Variants in FBXL7 observed in about 807,000 individuals in gnomAD.
The protein encoded by FBXL7 is F-box/LRR-repeat protein 7.
In FBXL7, 12 loss-of-function variants were observed where a neutral mutation model predicts 38.3. The ratio of observed to expected loss-of-function variants is 0.31; its 90% CI spans 0.20 to 0.51. FBXL7 has a LOEUF of 0.51. Ranked by LOEUF, FBXL7 falls within the 20% of genes least tolerant of loss-of-function variation. The probability of loss-of-function intolerance (pLI) is 0.98; values close to 1 mark genes in which losing one functional copy is unlikely to be tolerated. For synonymous variants in FBXL7, 297 were observed against 300.9 expected (o/e 0.99, Z 0.13); for missense variants, 567 against 676.4 (o/e 0.84, Z 1.79).
At chr5:15,728,167 A>G (rs553420670) in intron 2 of FBXL7, among the ~76,000 whole-genome samples, 95 of 152,206 alleles carry the variant, frequency 6.2e-4, no homozygotes, top group Middle Eastern at 3.4e-3. Flanking sequence ...GCACTTTAAG[A>G]TAACTGTTTT....
At chr5:15,727,107 C>A (rs1735429338) in intron 2 of FBXL7, among the ~76,000 whole-genome samples, 1 of 152,152 alleles carries the variant, frequency 6.6e-6, no homozygotes, top group Non-Finnish European at 1.5e-5. Flanking sequence ...AAACTCTGCT[C>A]CTTTATAGCT....
At chr5:15,927,779 A>AAAAAC in intron 2 of FBXL7, 111 bp from the exon 3 acceptor site, 1 of 805,006 alleles carries the variant, frequency 1.2e-6, no homozygotes, top group Non-Finnish European at 1.6e-6. Context: ...AAAAAAAAAA[A>AAAAAC]AAAAAAAAGA....
intron 2 of FBXL7, among the ~76,000 whole-genome samples, chr5:15,855,755 T>C (rs1739253317): frequency 6.6e-6 from 1 of 152,248 alleles, no homozygotes; most frequent in South Asian, 2.1e-4. Flanking sequence ...GGCTTTGTGA[T>C]AGTGAATTTA....
intron 2 of FBXL7, among the ~76,000 whole-genome samples, chr5:15,616,475 G>A (rs1740457660): frequency 6.6e-6 from 1 of 152,128 alleles, no homozygotes; most frequent in Non-Finnish European, 1.5e-5. Flanking sequence ...TTTGACAGTG[G>A]CAATATCATA....
intron 2 of FBXL7, among the ~76,000 whole-genome samples, chr5:15,644,414 G>T (rs1256572835): frequency 6.6e-6 from 1 of 151,960 alleles, no homozygotes; most frequent in Non-Finnish European, 1.5e-5. Flanking sequence ...GGCAGAGGTT[G>T]CGGTGAGCCG....
chr5:15,676,831 A>C (rs1046075849), intron 2 of FBXL7, among the ~76,000 whole-genome samples: 7 of 152,134 alleles, frequency 4.6e-5, no homozygotes, highest in African/African-American at 1.7e-4. Context: ...CGTGTCCCCA[A>C]GTAAATGTTC....
chr5:15,861,029 G>T (rs895555273), intron 2 of FBXL7, among the ~76,000 whole-genome samples: 3 of 152,160 alleles, frequency 2.0e-5, no homozygotes, highest in African/African-American at 7.2e-5. Flanking sequence ...TTTGCTACAT[G>T]GCATTCCACA....
chr5:15,919,233 TA>T (rs1231660839), intron 2 of FBXL7, among the ~76,000 whole-genome samples: 2 of 152,206 alleles, frequency 1.3e-5, no homozygotes, highest in Non-Finnish European at 2.9e-5. Flanking sequence ...CATTGTAATG[TA>T]AATATGACTT....
intron 2 of FBXL7, among the ~76,000 whole-genome samples, chr5:15,901,750 T>C (rs1001261374): frequency 6.6e-6 from 1 of 152,220 alleles, no homozygotes; most frequent in African/African-American, 2.4e-5. Flanking sequence ...CATAGCACAG[T>C]GCACTAAATA....
chr5:15,575,919 A>G (rs1738946640), intron 1 of FBXL7, among the ~76,000 whole-genome samples: 1 of 152,176 alleles, frequency 6.6e-6, no homozygotes, highest in South Asian at 2.1e-4. Context: ...AATTATTGGC[A>G]ATTGACATTC....
chr5:15,719,372 TTCTG>T (rs1467169842), intron 2 of FBXL7, among the ~76,000 whole-genome samples: 1 of 149,850 alleles, frequency 6.7e-6, no homozygotes, highest in Non-Finnish European at 1.5e-5. Flanking sequence ...TCTCTGATGT[TTCTG>T]ATATCATGCT....
chr5:15,765,917 C>G (rs1466937963), intron 2 of FBXL7, among the ~76,000 whole-genome samples: 1 of 152,164 alleles, frequency 6.6e-6, no homozygotes, highest in East Asian at 1.9e-4. Context: ...TCTCACGTGA[C>G]CATGCTTACA....
chr5:15,696,069 CT>C (rs1397185086), intron 2 of FBXL7, among the ~76,000 whole-genome samples: 5 of 152,196 alleles, frequency 3.3e-5, no homozygotes, highest in Non-Finnish European at 1.5e-5. Context: ...TTTGTTACTT[CT>C]TTTCCTTTGT....
At chr5:15,765,661 C>T (rs1736567597) in intron 2 of FBXL7, among the ~76,000 whole-genome samples, 1 of 152,116 alleles carries the variant, frequency 6.6e-6, no homozygotes, top group Non-Finnish European at 1.5e-5. Flanking sequence ...GAGAGCTGAG[C>T]TCTAGGGTAA....
At chr5:15,676,794 G>A (rs1243510665) in intron 2 of FBXL7, among the ~76,000 whole-genome samples, 2 of 152,176 alleles carry the variant, frequency 1.3e-5, no homozygotes, top group Non-Finnish European at 2.9e-5. Flanking sequence ...GAAACAGATG[G>A]TTTTTAGCTA....
At chr5:15,548,551 A>G (rs1313151744) in intron 1 of FBXL7, among the ~76,000 whole-genome samples, 4 of 152,120 alleles carry the variant, frequency 2.6e-5, no homozygotes, top group African/African-American at 9.7e-5. Flanking sequence ...TAAAATGGGG[A>G]CAAAAATGGT....
At chr5:15,686,700 A>G (rs550664230) in intron 2 of FBXL7, among the ~76,000 whole-genome samples, 2 of 152,346 alleles carry the variant, frequency 1.3e-5, no homozygotes, top group South Asian at 2.1e-4. Context: ...AGAAGGTGAA[A>G]TGGACTGTTT....
intron 2 of FBXL7, among the ~76,000 whole-genome samples, chr5:15,620,755 G>T (rs1023405269): frequency 6.6e-6 from 1 of 152,184 alleles, no homozygotes; most frequent in African/African-American, 2.4e-5. Flanking sequence ...GGCACGTGGT[G>T]CCTGGTTAGA....
chr5:15,922,378 TAAAATGATC>T (rs1741766364), intron 2 of FBXL7, among the ~76,000 whole-genome samples: 1 of 152,174 alleles, frequency 6.6e-6, no homozygotes, highest in South Asian at 2.1e-4. Flanking sequence ...TATCTTCAAG[TAAAATGATC>T]AAGAGCTTTT....
Sources: gnomAD v4.1 joint callset for allele counts (sites outside exome capture counted in the v4.1 genomes callset) on GRCh38, gnomAD v4.1.1 for gene constraint, MANE v1.5 for transcripts, NCBI Gene and HGNC (gene_info 2026-07-23, HGNC 2026-07-21) for gene names.